MEIOB: variants seen among roughly 807,000 people sequenced by gnomAD.
MEIOB encodes the protein meiosis specific with OB-fold.
MEIOB carries 50 observed loss-of-function variants against 53.1 expected under a neutral mutation model. That is an observed-to-expected ratio of 0.94 (90% CI 0.75 to 1.19). The LOEUF is 1.19. Among genes scored for constraint, MEIOB ranks in the 50% most tolerant of loss-of-function variants. The probability of loss-of-function intolerance (pLI) is 0.00; values close to 1 mark genes in which losing one functional copy is unlikely to be tolerated. For missense variants in MEIOB, 551 were observed against 550.8 expected (o/e 1.00, Z 0.00); for synonymous variants, 192 against 182.5 (o/e 1.05, Z -0.42).
chr16:1,843,279 C>A (rs1048347121), intron 10 of MEIOB, among the ~76,000 whole-genome samples: 2 of 150,022 alleles, frequency 1.3e-5, no homozygotes, highest in Non-Finnish European at 3.0e-5. Context: ...GGCGACAGAG[C>A]GAGACTCCAT....
chr16:1,845,112 G>A, intron 9 of MEIOB, 149 bp from the exon 10 acceptor site: 3 of 541,016 alleles, frequency 5.5e-6, no homozygotes, highest in Non-Finnish European at 9.9e-6. Flanking sequence ...ACAATGTGAT[G>A]TAGAATTCTG....
intron 5 of MEIOB, among the ~76,000 whole-genome samples, chr16:1,858,931 G>T (rs1285412802): frequency 6.6e-6 from 1 of 152,116 alleles, no homozygotes; most frequent in African/African-American, 2.4e-5. Flanking sequence ...TGAATACTGA[G>T]AATCTGTTAT....
intron 13 of MEIOB, 94 bp from the exon 14 acceptor site, chr16:1,834,460 G>A: frequency 3.0e-6 from 2 of 658,888 alleles, no homozygotes; most frequent in Non-Finnish European, 5.4e-6. Context: ...ATAGAGAACT[G>A]CAATGAAAGT....
In MEIOB at chr16:1,834,154, G is replaced by A; in HGVS notation, c.*102C>T. 2 of 677,702 alleles carry A rather than the reference G, an allele frequency of 3.0e-6. No individual in the cohort carries two copies. The highest frequency in any genetic ancestry group is 5.1e-6 in the Non-Finnish European group (2 of 388,890). 42.0% of individuals were successfully genotyped at this position (677,702 alleles called of 1,614,324 possible). On this transcript the variant is annotated 3_prime_UTR_variant, in exon 14 of 14. Transcript: ENST00000325962. The stretch of plus-strand genomic sequence containing the variant: ...ATTTCTAGAAACATGTTCACCACAT[G>A]TAAACAAAATGCAATTTTCCCCATA...
At chr16:1,870,698 A>C (rs1265827401) in intron 1 of MEIOB, among the ~76,000 whole-genome samples, 2 of 152,340 alleles carry the variant, frequency 1.3e-5, no homozygotes, top group Non-Finnish European at 2.9e-5. Context: ...TTTGTATTCA[A>C]GGCCTTTCAG....
chr16:1,860,560 A>G (rs1477168113), intron 4 of MEIOB, 85 bp from the exon 5 acceptor site: 1 of 738,164 alleles, frequency 1.4e-6, no homozygotes, highest in Non-Finnish European at 2.3e-6. Context: ...TGTTTAATTT[A>G]TGATCATCAT....
At chr16:1,834,425 C>A (rs1898684666) in intron 13 of MEIOB, 59 bp from the exon 14 acceptor site, 4 of 909,638 alleles carry the variant, frequency 4.4e-6, no homozygotes, top group Non-Finnish European at 7.1e-6. Context: ...CCTTGTATAT[C>A]AAGTTGAAAA....
At chr16:1,870,058 G>C (rs958553783) in intron 1 of MEIOB, among the ~76,000 whole-genome samples, 4 of 151,764 alleles carry the variant, frequency 2.6e-5, no homozygotes, top group African/African-American at 9.7e-5. Flanking sequence ...ATTTTTAGTA[G>C]AGATGGGGTT....
chr16:1,842,619 A>G (rs1176318485), intron 10 of MEIOB, among the ~76,000 whole-genome samples: 1 of 149,692 alleles, frequency 6.7e-6, no homozygotes, highest in African/African-American at 2.5e-5. Context: ...GCAAAACTCC[A>G]TCTCAAAAAG....
intron 1 of MEIOB, among the ~76,000 whole-genome samples, chr16:1,871,441 G>C (rs1266094231): frequency 7.9e-6 from 1 of 125,912 alleles, no homozygotes; most frequent in Non-Finnish European, 1.7e-5. Context: ...GGATGGTCTC[G>C]ATCTCCTGAC....
At chr16:1,836,160 T>G (rs1898739829) in intron 13 of MEIOB, among the ~76,000 whole-genome samples, 1 of 146,450 alleles carries the variant, frequency 6.8e-6, no homozygotes, top group African/African-American at 2.5e-5. Context: ...ATCTTCAACA[T>G]GTGTTATTTT....
At chr16:1,850,016 G>A (rs927734510) in intron 9 of MEIOB, among the ~76,000 whole-genome samples, 3 of 152,190 alleles carry the variant, frequency 2.0e-5, no homozygotes, top group African/African-American at 2.4e-5. Context: ...TTTTAAAAAT[G>A]TGTCTCCTTG....
rs138525212 is a variant in MEIOB at position 1,841,892 on chromosome 16, T to C, written c.962A>G (p.Tyr321Cys). The C allele has an allele frequency of 6.2e-7, 1 of 1,608,590 alleles. No individual in the cohort carries two copies. The highest frequency in any genetic ancestry group is 1.3e-5 in the African/African-American group (1 of 74,864). Residue 321 changes from tyrosine (Y) to cysteine (C), a missense_variant, in exon 11 of 14, where the codon TAT becomes TGT. Transcript: ENST00000325962. The stretch of plus-strand genomic sequence containing the variant: ...GGAAATGTAGGCATAAAGGATGCCA[T>C]AGGAAGGATCAGCTTTTCCTTCATT... ...LKNEGKADPS[Y>C]GILYAYISTL...
At chr16:1,869,507 G>C (rs1388674799) in intron 1 of MEIOB, among the ~76,000 whole-genome samples, 4 of 151,766 alleles carry the variant, frequency 2.6e-5, no homozygotes, top group African/African-American at 9.7e-5. Flanking sequence ...GAGTGCAGTG[G>C]TGCAATCTCA....
At chr16:1,841,751 G>A (rs1262343621) in intron 11 of MEIOB, 69 bp downstream of exon 11, 17 of 1,208,406 alleles carry the variant, frequency 1.4e-5, no homozygotes, top group Non-Finnish European at 1.9e-5. Context: ...CTTTTAGAGA[G>A]CTTAAAATTT....
chr16:1,839,439 C>T lies in MEIOB; in HGVS notation c.1035-1G>A, dbSNP rs972548876. ...ATTTACAATATAACCACAGCTGGAA[C>T]TGAAAAGAAACAAAGACAATGATAA... On this transcript the variant is annotated splice_acceptor_variant, in intron 11 of 13. Transcript: ENST00000325962. LOFTEE classifies it high-confidence loss of function. The T allele has an allele frequency of 3.1e-6, 5 of 1,603,652 alleles. No homozygotes were observed. Among genetic ancestry groups the T allele is most frequent in the Non-Finnish European group, 4.3e-6 (5 of 1,176,026 alleles).
intron 9 of MEIOB, among the ~76,000 whole-genome samples, chr16:1,847,500 A>G (rs1451924988): frequency 6.6e-6 from 1 of 150,490 alleles, no homozygotes; most frequent in Non-Finnish European, 1.5e-5. Context: ...TTTAGGGCCA[A>G]GCAAGGTGGC....
chr16:1,868,252 C>A, intron 1 of MEIOB, 68 bp from the exon 2 acceptor site: 1 of 926,608 alleles, frequency 1.1e-6, no homozygotes. Flanking sequence ...TAAAAAATTC[C>A]AAGAGTTTAA....
chr16:1,857,980 A>ATTTTTCTTTCC, intron 5 of MEIOB, 50 bp from the exon 6 acceptor site: 1 of 1,236,058 alleles, frequency 8.1e-7, no homozygotes, highest in Non-Finnish European at 1.1e-6. Flanking sequence ...CTTTGGAAAG[A>ATTTTTCTTTCC]AAAATATTTC....
Sources: allele counts gnomAD v4.1 joint callset (sites outside exome capture counted in the v4.1 genomes callset), GRCh38; gene constraint gnomAD v4.1.1; transcripts MANE v1.5; gene names NCBI Gene and HGNC (gene_info 2026-07-23, HGNC 2026-07-21).